PNPLA7: variants seen among roughly 807,000 people sequenced by gnomAD.
PNPLA7 encodes the protein patatin-like phospholipase domain-containing protein 7.
In PNPLA7, 153 loss-of-function variants were observed where a neutral mutation model predicts 161.7. The observed-to-expected ratio is 0.95, with a 90% CI of 0.83 to 1.08. PNPLA7 has a LOEUF of 1.08. Ranked by LOEUF, PNPLA7 falls within the 50% of genes least tolerant of loss-of-function variation. PNPLA7 has a pLI of 0.00. For synonymous variants in PNPLA7, 809 were observed against 782.1 expected (o/e 1.03, Z -0.57); for missense variants, 1,739 against 1,856.6 (o/e 0.94, Z 1.16).
intron 8 of PNPLA7, among the ~76,000 whole-genome samples, chr9:137,526,413 G>A (rs1835305156): frequency 1.3e-5 from 2 of 152,184 alleles, no homozygotes; most frequent in South Asian, 2.1e-4. Flanking sequence ...AAGTAGCTGG[G>A]ACTACAGGCG....
chr9:137,462,998 T>C, intron 29 of PNPLA7, 165 bp from the exon 30 acceptor site: 2 of 942,072 alleles, frequency 2.1e-6, no homozygotes, highest in Non-Finnish European at 3.1e-6. Flanking sequence ...GATGGGCAGC[T>C]GTGGGCACAC....
At chr9:137,494,404 C>T (rs1314814139) in intron 19 of PNPLA7, among the ~76,000 whole-genome samples, 1 of 152,178 alleles carries the variant, frequency 6.6e-6, no homozygotes, top group Non-Finnish European at 1.5e-5. Flanking sequence ...TCCTGCTCAC[C>T]GTCACCGCCC....
rs1412960611 is a variant in PNPLA7 at position 137,540,210 on chromosome 9, C to T, written c.747+432G>A. Among the ~76,000 whole-genome samples, 7 of 152,148 alleles carry T rather than the reference C, an allele frequency of 4.6e-5. No individual in the cohort carries two copies. The highest frequency in any genetic ancestry group is 5.9e-5 in the Non-Finnish European group (4 of 68,038). ...CACAGGAAACCATTCACTGCAACGACGAAAAGCAAAAGACTGGGAGCCACA... is the reference window on the plus strand; with the variant it reads ...CACAGGAAACCATTCACTGCAACGATGAAAAGCAAAAGACTGGGAGCCACA... On this transcript the variant is annotated intron_variant, in intron 8 of 34. Transcript: ENST00000406427. This position sits in a 1 kb window ranked among gnomAD's most constrained non-coding sequence, Gnocchi z 5.1.
intron 20 of PNPLA7, among the ~76,000 whole-genome samples, chr9:137,489,235 TG>T (rs1832652720): frequency 1.3e-5 from 2 of 152,226 alleles, no homozygotes; most frequent in African/African-American, 4.8e-5. Context: ...GAGCTGAAGA[TG>T]GCGCAGAATG....
rs1831933871 is a variant in PNPLA7 at position 137,476,062 on chromosome 9, G to T, written c.2882+1972C>A. ...AAACAAAGGCAGTTTCCAGGGTGGT[G>T]GTGAAAGAAAATTCCAGGCCAACAT... On this transcript the variant is annotated intron_variant, in intron 25 of 34. Coordinates refer to ENST00000406427, the MANE Select transcript of PNPLA7 (RefSeq NM_001098537.3). The surrounding 1 kb of genome is among the most constrained non-coding windows in gnomAD (Gnocchi z 4.5). Among the ~76,000 whole-genome samples the T allele has an allele frequency of 6.6e-6, 1 of 152,142 alleles. No homozygotes were observed. The highest frequency in any genetic ancestry group is 2.1e-4 in the South Asian group (1 of 4,818).
At chr9:137,515,872 C>T (rs1461069832) in intron 11 of PNPLA7, among the ~76,000 whole-genome samples, 1 of 41,880 alleles carries the variant, frequency 2.4e-5, no homozygotes, top group Non-Finnish European at 4.7e-5. Flanking sequence ...CCCAAATGCC[C>T]CCTCCCCACC....
rs1462484451 is a variant in PNPLA7, at chr9:137,543,248, AAGAT to A, written c.506+180_506+183del. The stretch of plus-strand genomic sequence containing the variant: ...CGGGAAATCGTTCAACAGAACAAGA[AAGAT>A]CTGGTGAAGGAGCCAGCAGACCACG... On this transcript the variant is annotated intron_variant, in intron 6 of 34. Transcript: ENST00000406427. The surrounding 1 kb of genome is among the most constrained non-coding windows in gnomAD (Gnocchi z 6.9). 6.6e-6 allele frequency among the ~76,000 whole-genome samples: 1 copy of A among 152,146 alleles called. No homozygotes were observed. Among genetic ancestry groups the A allele is most frequent in the Non-Finnish European group, 1.5e-5 (1 of 68,022 alleles).
At chr9:137,462,131 C>G (rs1282756837) in intron 31 of PNPLA7, 48 bp downstream of exon 31, 10 of 1,530,770 alleles carry the variant, frequency 6.5e-6, no homozygotes, top group Non-Finnish European at 7.9e-6. Context: ...GGGGCAGCCA[C>G]CAGAGTGCCT....
rs558691949 is a variant in PNPLA7 at position 137,467,023 on chromosome 9, C to T, written c.3039+294G>A. On this transcript the variant is annotated intron_variant, in intron 26 of 34. Coordinates refer to ENST00000406427, the MANE Select transcript of PNPLA7 (RefSeq NM_001098537.3). The surrounding 1 kb of genome is among the most constrained non-coding windows in gnomAD (Gnocchi z 5.1). ...CCCGTGCACAGATCAGACCGCCTCCCACCACCGTCTCCATCACCTCAGACC... is the reference window on the plus strand; with the variant it reads ...CCCGTGCACAGATCAGACCGCCTCCTACCACCGTCTCCATCACCTCAGACC... 1.5e-4 allele frequency among the ~76,000 whole-genome samples: 23 copies of T among 151,056 alleles called. No individual in the cohort carries two copies. The highest frequency in any genetic ancestry group is 5.4e-4 in the African/African-American group (22 of 40,990).
At chr9:137,482,232 G>C (rs1026230599) in intron 21 of PNPLA7, among the ~76,000 whole-genome samples, 1 of 152,194 alleles carries the variant, frequency 6.6e-6, no homozygotes, top group Non-Finnish European at 1.5e-5. Context: ...CATGCTCCTT[G>C]GTGTTTACCC....
At chr9:137,474,836 C>A (rs1411909168) in intron 25 of PNPLA7, among the ~76,000 whole-genome samples, 3 of 149,094 alleles carry the variant, frequency 2.0e-5, no homozygotes, top group Admixed American at 6.6e-5. Flanking sequence ...CACAGTGAAA[C>A]CCCATCTCTA....
At chr9:137,530,379 C>A (rs1239148205) in intron 8 of PNPLA7, among the ~76,000 whole-genome samples, 1 of 148,178 alleles carries the variant, frequency 6.7e-6, no homozygotes, top group Non-Finnish European at 1.5e-5. Flanking sequence ...CTGGCTCTCT[C>A]CTCCCTGAGA....
In PNPLA7 at chr9:137,460,921, C is replaced by T. The variant is rs75767267; in HGVS notation, c.3842-184G>A. On this transcript the variant is annotated intron_variant, in intron 33 of 34. Transcript: ENST00000406427. ...ACACCACCCCTGGTTCTGTCTGGCT[C>T]CAGCTTTGCCCCAGCACATCACTTC... 5.3e-3 allele frequency: 3,104 copies of T among 585,846 alleles called. 77 individuals carry two copies. Among genetic ancestry groups the T allele is most frequent in the African/African-American group, 0.051 (2,720 of 53,680 alleles). 36.3% of individuals were successfully genotyped at this position (585,846 alleles called of 1,614,324 possible). A position where few individuals can be genotyped will look rare whatever the true frequency, so the allele number is the denominator to read the frequency against.
chr9:137,511,659 C>T (rs953700900), intron 12 of PNPLA7, among the ~76,000 whole-genome samples: 1 of 152,206 alleles, frequency 6.6e-6, no homozygotes, highest in African/African-American at 2.4e-5. Context: ...CCTGACATTC[C>T]CCAGGCCTGC....
In PNPLA7 at chr9:137,547,513, A is replaced by G. The variant is rs1836602214; in HGVS notation, c.105+72T>C. ...AGGCTGGGCAGGAATGAGCCAGGGGATGGGGACAGGGAGAGGTGAAAAAGG... is the reference window on the plus strand; with the variant it reads ...AGGCTGGGCAGGAATGAGCCAGGGGGTGGGGACAGGGAGAGGTGAAAAAGG... On this transcript the variant is annotated intron_variant, in intron 2 of 34. Transcript: ENST00000406427. This position sits in a 1 kb window ranked among gnomAD's most constrained non-coding sequence, Gnocchi z 4.6. 6.3e-7 allele frequency: 1 copy of G among 1,592,870 alleles called. No individual in the cohort carries two copies. The highest frequency in any genetic ancestry group is 1.7e-5 in the Admixed American group (1 of 59,984).
Position 137,460,461 on chromosome 9 carries a change from G to A in PNPLA7, c.3961C>T (p.Leu1321=), listed in dbSNP as rs372698312. The change falls in exon 35 of 35, where the codon CTG becomes TTG. Residue 1321 remains leucine, a synonymous_variant. Transcript: ENST00000406427. ...QGSDLEDESS[L]RHRHPSLAFP... ...GCCAGACTGGGGTGTCGATGCCGCA[G>A]TGAGGACTCGTCCTCCTGCAAGCAG... The A allele has an allele frequency of 1.9e-6, 3 of 1,612,518 alleles. No homozygotes were observed. In the Admixed American group the frequency reaches 5.0e-5, roughly 27 times the overall value.
chr9:137,481,113 C>G, intron 21 of PNPLA7, 90 bp from the exon 22 acceptor site: 3 of 1,403,926 alleles, frequency 2.1e-6, no homozygotes, highest in Non-Finnish European at 3.0e-6. Flanking sequence ...GTACCGACGC[C>G]GAGCCAGGCA....
chr9:137,549,403 T>A (rs551222374), intron 1 of PNPLA7, among the ~76,000 whole-genome samples: 4 of 151,808 alleles, frequency 2.6e-5, no homozygotes, highest in African/African-American at 9.7e-5. Context: ...CCGTCTCTAC[T>A]GAAAATACAA....
intron 7 of PNPLA7, 77 bp downstream of exon 7, chr9:137,542,565 C>T (rs746520639): frequency 1.1e-4 from 156 of 1,387,786 alleles, no homozygotes; most frequent in Middle Eastern, 2.7e-4. Context: ...CAATGAGAAA[C>T]GTTTTACAGC....
Sources: gnomAD v4.1 joint callset for allele counts (sites outside exome capture counted in the v4.1 genomes callset) on GRCh38, gnomAD v4.1.1 for gene constraint, Gnocchi (gnomAD v3.1) non-coding constraint, MANE v1.5 for transcripts, NCBI Gene and HGNC (gene_info 2026-07-23, HGNC 2026-07-21) for gene names.